The following AUTS2 variants were observed in gnomAD, a reference collection of about 807,000 sequenced individuals.
AUTS2 encodes autism susceptibility gene 2 protein.
AUTS2 carries 17 observed loss-of-function variants against 112.4 expected under a neutral mutation model. The ratio of observed to expected loss-of-function variants is 0.15; its 90% CI spans 0.10 to 0.23. The LOEUF is 0.23. AUTS2 is among the 10% of genes least tolerant of loss of function. AUTS2 has a pLI of 1.00. For synonymous variants in AUTS2, 751 were observed against 702.7 expected (o/e 1.07, Z -1.09); for missense variants, 1,510 against 1,701.6 (o/e 0.89, Z 1.98).
rs972556941 is a variant in AUTS2 at position 70,516,270 on chromosome 7, CCCT to C, written c.690+80496_690+80498del. ...GAGTCTCTGCAGATAGAAGCTGCCC[CCCT>C]CCTCCTTCCACACACCCGCACCTTA... On this transcript the variant is annotated intron_variant, in intron 5 of 18. Transcript: ENST00000342771. 1.1e-3 allele frequency among the ~76,000 whole-genome samples: 162 copies of C among 152,206 alleles called. 1 individual carries two copies. The highest frequency in any genetic ancestry group is 3.6e-3 in the African/African-American group (151 of 41,518).
At chr7:70,420,828 C>T (rs1207050679) in intron 4 of AUTS2, among the ~76,000 whole-genome samples, 1 of 152,200 alleles carries the variant, frequency 6.6e-6, no homozygotes, top group Non-Finnish European at 1.5e-5. Context: ...GACAGGTTCA[C>T]TGTCTTGATC....
At chr7:69,980,312 A>G (rs1369875672) in intron 2 of AUTS2, among the ~76,000 whole-genome samples, 1 of 152,184 alleles carries the variant, frequency 6.6e-6, no homozygotes, top group East Asian at 1.9e-4. Flanking sequence ...CTTAAAGAGT[A>G]AGTGGGAGGA....
At chr7:70,064,526 A>G (rs1802400599) in intron 2 of AUTS2, among the ~76,000 whole-genome samples, 1 of 152,188 alleles carries the variant, frequency 6.6e-6, no homozygotes, top group Admixed American at 6.5e-5. Context: ...CATTTACTAG[A>G]GAGTTTATCA....
Position 70,410,244 on chromosome 7 carries a change from T to C in AUTS2, c.661-25508T>C, listed in dbSNP as rs192089744. On this transcript the variant is annotated intron_variant, in intron 4 of 18. Coordinates refer to ENST00000342771, the MANE Select transcript of AUTS2 (RefSeq NM_015570.4). ...GGCCTAGGCTGCAGCTCAGTGATGC[T>C]ACTAGGAACTGAAGCACTTCCTATT... Among the ~76,000 whole-genome samples the C allele has an allele frequency of 2.3e-4, 35 of 152,290 alleles. No homozygotes were observed. In the East Asian group the frequency reaches 5.6e-3, roughly 24 times the overall value.
chr7:70,007,292 A>G (rs1232957100), intron 2 of AUTS2, among the ~76,000 whole-genome samples: 1 of 152,218 alleles, frequency 6.6e-6, no homozygotes, highest in Non-Finnish European at 1.5e-5. Context: ...TCCTAAGTAT[A>G]AAAGTAACAT....
chr7:69,848,046 C>T (rs1306636135), intron 1 of AUTS2, among the ~76,000 whole-genome samples: 1 of 152,166 alleles, frequency 6.6e-6, no homozygotes, highest in Non-Finnish European at 1.5e-5. Context: ...AGAGAACAGC[C>T]ATCTGTACTT....
intron 10 of AUTS2, among the ~76,000 whole-genome samples, chr7:70,770,334 G>C (rs2129558093): frequency 6.6e-6 from 1 of 152,318 alleles, no homozygotes; most frequent in South Asian, 2.1e-4. Flanking sequence ...AAGACCAACA[G>C]AAAAAGGACG....
At chr7:69,767,683 C>G (rs1055226468) in intron 1 of AUTS2, among the ~76,000 whole-genome samples, 2 of 152,204 alleles carry the variant, frequency 1.3e-5, no homozygotes, top group African/African-American at 4.8e-5. Context: ...CTTGCTCCAT[C>G]TTTCTGTCTC....
At chr7:70,319,623 A>C (rs142108442) in intron 4 of AUTS2, among the ~76,000 whole-genome samples, 3 of 152,294 alleles carry the variant, frequency 2.0e-5, no homozygotes, top group African/African-American at 7.2e-5. Flanking sequence ...GAAACAAATT[A>C]GGGTCTCAGC....
At chr7:70,183,254 G>A (rs900560658) in intron 4 of AUTS2, among the ~76,000 whole-genome samples, 6 of 152,130 alleles carry the variant, frequency 3.9e-5, no homozygotes, top group Non-Finnish European at 5.9e-5. Flanking sequence ...CTGGAAGCTG[G>A]CATGTGGATT....
intron 1 of AUTS2, among the ~76,000 whole-genome samples, chr7:69,788,698 T>C (rs570638125): frequency 3.3e-5 from 5 of 151,886 alleles, no homozygotes; most frequent in African/African-American, 1.2e-4. Context: ...TCCCTAAAAG[T>C]CAGCCTTCAT....
chr7:69,889,555 A>G (rs745487641), intron 1 of AUTS2, among the ~76,000 whole-genome samples: 2 of 152,198 alleles, frequency 1.3e-5, no homozygotes, highest in African/African-American at 4.8e-5. Context: ...TTTGATTTGC[A>G]TATTCCAGAT....
intron 2 of AUTS2, among the ~76,000 whole-genome samples, chr7:70,017,357 C>G (rs902218932): frequency 2.6e-5 from 4 of 152,150 alleles, no homozygotes; most frequent in Non-Finnish European, 4.4e-5. Flanking sequence ...TTAGCTTGTT[C>G]TGGTATGTAA....
intron 5 of AUTS2, among the ~76,000 whole-genome samples, chr7:70,680,088 C>T (rs567754701): frequency 6.6e-6 from 1 of 152,146 alleles, no homozygotes; most frequent in East Asian, 1.9e-4. Context: ...ATTTCATTGG[C>T]TTATCAGGAA....
intron 2 of AUTS2, among the ~76,000 whole-genome samples, chr7:70,033,950 A>C (rs1800891367): frequency 6.6e-6 from 1 of 152,146 alleles, no homozygotes; most frequent in Admixed American, 6.5e-5. Context: ...TAAAAGCTAG[A>C]AGAGAGGATT....
At chr7:69,954,505 A>G (rs1797143308) in intron 2 of AUTS2, among the ~76,000 whole-genome samples, 1 of 152,170 alleles carries the variant, frequency 6.6e-6, no homozygotes, top group Admixed American at 6.5e-5. Context: ...ATGCAGTGGC[A>G]TGATCATAGC....
chr7:70,014,154 C>T (rs533248919), intron 2 of AUTS2, among the ~76,000 whole-genome samples: 1 of 152,244 alleles, frequency 6.6e-6, no homozygotes, highest in South Asian at 2.1e-4. Flanking sequence ...GAGTGTAATA[C>T]AATTAAAATA....
chr7:70,121,676 A>C (rs1397609272), intron 3 of AUTS2, among the ~76,000 whole-genome samples: 1 of 152,186 alleles, frequency 6.6e-6, no homozygotes, highest in Non-Finnish European at 1.5e-5. Context: ...AGAATGAAAA[A>C]TAAGAAGTGT....
intron 1 of AUTS2, among the ~76,000 whole-genome samples, chr7:69,850,349 G>A (rs1279544302): frequency 5.2e-5 from 7 of 135,094 alleles, no homozygotes; most frequent in African/African-American, 1.6e-4. Context: ...CAGTGAGCCC[G>A]GATCATGCTA....
Sources: gnomAD v4.1 joint callset for allele counts (sites outside exome capture counted in the v4.1 genomes callset) on GRCh38, gnomAD v4.1.1 for gene constraint, MANE v1.5 for transcripts, NCBI Gene and HGNC (gene_info 2026-07-23, HGNC 2026-07-21) for gene names.